Variants in BROX observed in about 807,000 individuals in gnomAD.
The protein encoded by BROX is BRO1 domain and CAAX motif containing.
BROX carries 53 observed loss-of-function variants against 61.0 expected under a neutral mutation model. The observed-to-expected ratio is 0.87, with a 90% CI of 0.70 to 1.09. The LOEUF (loss-of-function observed/expected upper bound fraction) is 1.09, where lower values mean the gene tolerates loss of function less well. Among genes scored for constraint, BROX ranks in the 50% least tolerant of loss-of-function variants. The pLI is 0.00. For synonymous variants in BROX, 152 were observed against 160.2 expected (o/e 0.95, Z 0.38); for missense variants, 489 against 472.0 (o/e 1.04, Z -0.33).
At position 222,728,827 on chromosome 1, in the gene BROX, A is replaced by C. The variant is rs766022226; in HGVS notation, c.755A>C (p.Tyr252Ser). Residue 252 changes from tyrosine to serine, a missense_variant and splice_region_variant, in exon 9 of 13, where the codon TAT becomes TCT. By Grantham distance (144) the Tyr-to-Ser change is moderately radical (BLOSUM62 -2). Coordinates refer to ENST00000340934, the MANE Select transcript of BROX (RefSeq NM_144695.4). ...TTGAAGATGTGTTTCTACACAGCTT[A>C]TGTAAGTATTCACAACGCTAAAAAC... ...LHLKMCFYTA[Y>S]AYCYHGETLL... 1.3e-6 allele frequency: 2 copies of C among 1,580,538 alleles called. No individual in the cohort carries two copies.
rs543418247 is a variant in BROX at position 222,732,602 on chromosome 1, T to G, written c.1150-26T>G. On this transcript the variant is annotated intron_variant, in intron 12 of 12. Coordinates refer to ENST00000340934, the MANE Select transcript of BROX (RefSeq NM_144695.4). The stretch of plus-strand genomic sequence containing the variant: ...GTTTTCTCAATCTTAGTTTATGTAC[T>G]TAAACTGTGGTTTTTTTCTCCCTAG... 781 of 1,530,488 alleles carry G rather than the reference T, an allele frequency of 5.1e-4. 11 individuals are homozygous for G. In the South Asian group the frequency reaches 7.9e-3, roughly 16 times the overall value. The allele number at this position is 1,530,488 out of a possible 1,614,324, so 94.8% of individuals were successfully genotyped here. A position where few individuals can be genotyped will look rare whatever the true frequency, so the allele number is the denominator to read the frequency against.
chr1:222,715,617 C>A, intron 1 of BROX, 67 bp from the exon 2 acceptor site: 2 of 625,788 alleles, frequency 3.2e-6, no homozygotes, highest in South Asian at 4.4e-5. Flanking sequence ...AATTGTTATG[C>A]TATTTACCTT....
chr1:222,727,081 A>G lies in BROX; in HGVS notation c.581-87A>G, dbSNP rs997783364. 3 of 927,434 alleles carry G rather than the reference A, an allele frequency of 3.2e-6. No individual in the cohort carries two copies. The Admixed American group carries it at 6.5e-5, about 20-fold the overall frequency. The allele number at this position is 927,434 out of a possible 1,614,324, so 57.5% of individuals were successfully genotyped here. Reference sequence around the variant, plus strand: ...ACTGTATTAAAATCCCAGAGAGATTATCAGACTGTCTTTTGCTATTATAAT... The same window carrying G: ...ACTGTATTAAAATCCCAGAGAGATTGTCAGACTGTCTTTTGCTATTATAAT... On this transcript the variant is annotated intron_variant, in intron 7 of 12. Coordinates refer to ENST00000340934, the MANE Select transcript of BROX (RefSeq NM_144695.4).
intron 7 of BROX, among the ~76,000 whole-genome samples, chr1:222,726,717 CA>C (rs113885916): frequency 0.28 from 37,168 of 132,224 alleles, 6,650 homozygotes; most frequent in African/African-American, 0.55. Flanking sequence ...AACTCCATCT[CA>C]AAAAAAAAAA....
Position 222,730,129 on chromosome 1 carries a change from A to G in BROX, c.941A>G (p.Asn314Ser). The change falls in exon 11 of 13, where the codon AAC becomes AGC. Residue 314 changes from asparagine to serine, a missense_variant. Coordinates refer to ENST00000340934, the MANE Select transcript of BROX (RefSeq NM_144695.4). ...CATCTGTTCTTTAGGAAACTTGGAA[A>G]CCTTGTGAAGAACACCCTAGAAAAA... is the stretch of plus-strand genomic sequence containing the variant. ...SGHLFFRKLGNLVKNTLEKCQ... is the reference protein window; with the variant it reads ...SGHLFFRKLGSLVKNTLEKCQ... 1 of 1,612,644 alleles carries G rather than the reference A, an allele frequency of 6.2e-7. No individual in the cohort carries two copies. The highest frequency in any genetic ancestry group is 1.1e-5 in the South Asian group (1 of 90,950).
rs1571959852 is a variant in BROX, at chr1:222,715,740, C to T, written c.41C>T (p.Ala14Val). The T allele has an allele frequency of 8.1e-6, 13 of 1,596,418 alleles. No individual in the cohort carries two copies. The highest frequency in any genetic ancestry group is 1.1e-5 in the Non-Finnish European group (13 of 1,170,072). Residue 14 changes from alanine (A) to valine (V), a missense_variant, in exon 2 of 13, where the codon GCT (alanine) becomes GTT (valine). Coordinates refer to ENST00000340934, the MANE Select transcript of BROX (RefSeq NM_144695.4). ...CATAGGAACCCATTAAAAGCCACAG[C>T]TCCTGTGTCTTTTAATTACTATGGT... ...WFHRNPLKAT[A>V]PVSFNYYGVV...
chr1:222,725,013 T>C (rs1477928440), intron 6 of BROX, among the ~76,000 whole-genome samples: 1 of 152,146 alleles, frequency 6.6e-6, no homozygotes, highest in Non-Finnish European at 1.5e-5. Flanking sequence ...CAGGCTGGTC[T>C]CAAACTCCTG....
intron 5 of BROX, 134 bp from the exon 6 acceptor site, chr1:222,723,958 T>C (rs1657301476): frequency 3.0e-6 from 2 of 664,798 alleles, no homozygotes; most frequent in Non-Finnish European, 5.0e-6. Flanking sequence ...AAATTAGATT[T>C]ATTTTTAAAA....
At chr1:222,723,283 A>T (rs1657240588) in intron 5 of BROX, among the ~76,000 whole-genome samples, 1 of 152,158 alleles carries the variant, frequency 6.6e-6, no homozygotes, top group Non-Finnish European at 1.5e-5. Context: ...TGTAAGGAAA[A>T]ATAAGGCTTT....
intron 12 of BROX, 65 bp downstream of exon 12, chr1:222,731,581 A>G: frequency 6.7e-7 from 1 of 1,494,854 alleles, no homozygotes. Flanking sequence ...CAGAGTTAGC[A>G]TTTTGATATT....
At chr1:222,718,150 T>C (rs1218496488) in intron 2 of BROX, 1 of 152,096 alleles carries the variant, frequency 6.6e-6, no homozygotes, top group Non-Finnish European at 1.5e-5. Context: ...TTTCTGGAGT[T>C]GGGAATGAAA....
chr1:222,713,278 C>CG, intron 1 of BROX: 3 of 986,030 alleles, frequency 3.0e-6, no homozygotes, highest in Non-Finnish European at 3.6e-6. Flanking sequence ...ACAAAAATGC[C>CG]TGTTTGGAAA....
intron 6 of BROX, among the ~76,000 whole-genome samples, chr1:222,724,854 A>T (rs915441375): frequency 2.6e-5 from 4 of 151,896 alleles, no homozygotes; most frequent in Middle Eastern, 3.2e-3. Context: ...GAGTGCAGTG[A>T]TGCGATCTTG....
chr1:222,714,714 C>G lies in BROX; in HGVS notation c.-16-970C>G, dbSNP rs557083329. Among the ~76,000 whole-genome samples, 15 of 152,040 alleles carry G rather than the reference C, an allele frequency of 9.9e-5. No individual in the cohort carries two copies. The East Asian group carries it at 2.9e-3, about 29-fold the overall frequency. Reference sequence around the variant, plus strand: ...AGGGGATCCTCCCTCCTCAGTCTTCCCAGTAGCTAGAACCACAGGCGTGGC... The same window carrying G: ...AGGGGATCCTCCCTCCTCAGTCTTCGCAGTAGCTAGAACCACAGGCGTGGC... On this transcript the variant is annotated intron_variant, in intron 1 of 12. Coordinates refer to ENST00000340934, the MANE Select transcript of BROX (RefSeq NM_144695.4).
intron 6 of BROX, 131 bp from the exon 7 acceptor site, chr1:222,725,319 G>C: frequency 1.7e-6 from 1 of 579,572 alleles, no homozygotes. Flanking sequence ...TATAGTTTTT[G>C]TTTATACTCT....
At chr1:222,731,771 T>A (rs191368448) in intron 12 of BROX, among the ~76,000 whole-genome samples, 3 of 152,344 alleles carry the variant, frequency 2.0e-5, no homozygotes, top group Admixed American at 2.0e-4. Context: ...AACTTGTCAG[T>A]GCCTCCTTTA....
rs142375055 is a variant in BROX, at chr1:222,731,077, C to A, written c.990-280C>A. ...GAGCTTTTCACTTCCTTAAGCATGC[C>A]TAGTTCACCTTTAATCACTTCCTTC... On this transcript the variant is annotated intron_variant, in intron 11 of 12. Transcript: ENST00000340934. Among the ~76,000 whole-genome samples the A allele has an allele frequency of 1.5e-3, 225 of 152,264 alleles. 6 individuals carry two copies. In the South Asian group the frequency reaches 0.021, roughly 14 times the overall value.
In BROX at chr1:222,725,447, C is replaced by A; in HGVS notation, c.475-3C>A. On this transcript the variant is annotated splice_polypyrimidine_tract_variant and splice_region_variant and intron_variant, in intron 6 of 12. Coordinates refer to ENST00000340934, the MANE Select transcript of BROX (RefSeq NM_144695.4). ...TTTTTGTCTTTTTTGTTGTTGTTCTCAGGAAAGTCATCTCCCAAAACTCAT... is the reference window on the plus strand; with the variant it reads ...TTTTTGTCTTTTTTGTTGTTGTTCTAAGGAAAGTCATCTCCCAAAACTCAT... 6.3e-7 allele frequency: 1 copy of A among 1,583,576 alleles called. No homozygotes were observed. Among genetic ancestry groups the A allele is most frequent in the South Asian group, 1.2e-5 (1 of 86,066 alleles).
chr1:222,731,423 G>A lies in BROX; in HGVS notation c.1056G>A (p.Glu352=), dbSNP rs1410051356. ...TCAAAGCAAATTATGGTCTCGTAGAGCCTATACCTTTCGAATTTCCTCCTA... is the reference window on the plus strand; with the variant it reads ...TCAAAGCAAATTATGGTCTCGTAGAACCTATACCTTTCGAATTTCCTCCTA... The part of the protein sequence containing the change: ...LELKANYGLV[E]PIPFEFPPTS... The change falls in exon 12 of 13, where the codon GAG becomes GAA. Residue 352 remains glutamate, a synonymous_variant. Coordinates refer to ENST00000340934, the MANE Select transcript of BROX (RefSeq NM_144695.4). 3 of 1,601,124 alleles carry A rather than the reference G, an allele frequency of 1.9e-6. No homozygotes were observed. The highest frequency in any genetic ancestry group is 1.7e-4 in the Middle Eastern group (1 of 6,040).
Sources: gnomAD v4.1 joint callset for allele counts (sites outside exome capture counted in the v4.1 genomes callset) on GRCh38, gnomAD v4.1.1 for gene constraint, MANE v1.5 for transcripts, NCBI Gene and HGNC (gene_info 2026-07-23, HGNC 2026-07-21) for gene names.